TEX29: variants seen among roughly 807,000 people sequenced by gnomAD.
The protein encoded by TEX29 is testis expressed 29.
TEX29 carries 26 observed loss-of-function variants against 18.2 expected under a neutral mutation model. That is an observed-to-expected ratio of 1.43 (90% confidence interval 1.04 to 1.98). TEX29 has a LOEUF of 1.98. TEX29 is among the 30% of genes most tolerant of loss of function. The pLI, the probability that TEX29 is intolerant of heterozygous loss-of-function variation, is 0.00. For synonymous variants in TEX29, 83 were observed against 78.5 expected (o/e 1.06, Z -0.31); for missense variants, 177 against 194.2 (o/e 0.91, Z 0.53).
At chr13:111,339,763 G>C in intron 3 of TEX29, 100 bp from the exon 4 acceptor site, 1 of 1,215,884 alleles carries the variant, frequency 8.2e-7, no homozygotes, top group Non-Finnish European at 1.2e-6. Flanking sequence ...AGCCGCGCCG[G>C]GAGGGCCCGC....
intron 2 of TEX29, among the ~76,000 whole-genome samples, chr13:111,326,754 G>A (rs2093674627): frequency 6.6e-6 from 1 of 152,116 alleles, no homozygotes; most frequent in South Asian, 2.1e-4. Context: ...GCGCTGGCGG[G>A]TGTTTGCTGT....
At chr13:111,334,860 G>A (rs1184479222) in intron 3 of TEX29, among the ~76,000 whole-genome samples, 1 of 152,196 alleles carries the variant, frequency 6.6e-6, no homozygotes, top group Non-Finnish European at 1.5e-5. Flanking sequence ...TTTGAAGGAG[G>A]TCCCACCCTG....
intron 2 of TEX29, among the ~76,000 whole-genome samples, chr13:111,322,613 C>T (rs1038054975): frequency 1.3e-5 from 2 of 152,188 alleles, no homozygotes; most frequent in African/African-American, 4.8e-5. Flanking sequence ...CAAGCTGACC[C>T]TGGGCTGGAG....
chr13:111,326,953 G>T (rs1433057882), intron 2 of TEX29, among the ~76,000 whole-genome samples: 1 of 152,136 alleles, frequency 6.6e-6, no homozygotes. Context: ...TGCATAGAAC[G>T]TGGGGGACCA....
chr13:111,332,999 G>T (rs570245875), intron 3 of TEX29, among the ~76,000 whole-genome samples: 41 of 152,252 alleles, frequency 2.7e-4, no homozygotes, highest in South Asian at 1.2e-3. Flanking sequence ...GCATAGAGTT[G>T]CTGTATATAA....
chr13:111,343,002 C>G lies in TEX29; in HGVS notation c.415+71C>G, dbSNP rs1342587197. 3.2e-6 allele frequency: 5 copies of G among 1,541,740 alleles called. No individual in the cohort carries two copies. In the African/African-American group the frequency reaches 4.1e-5, roughly 13 times the overall value. On this transcript the variant is annotated intron_variant, in intron 5 of 5. Transcript: ENST00000283547. ...GCTCTGTTCCCTCGGGAGACCTTCC[C>G]TGGGAAGGGGCTCAACATCTACACA...
chr13:111,330,814 A>G (rs185161493), intron 3 of TEX29, among the ~76,000 whole-genome samples: 4 of 152,264 alleles, frequency 2.6e-5, no homozygotes, highest in Admixed American at 6.5e-5. Context: ...ATGGAACCAC[A>G]TGATTTGTGG....
intron 2 of TEX29, among the ~76,000 whole-genome samples, chr13:111,326,476 G>T: frequency 6.7e-6 from 1 of 149,932 alleles, no homozygotes; most frequent in African/African-American, 2.5e-5. Context: ...GAGACTGCGG[G>T]CAGTGCGAGC....
At chr13:111,340,091 G>A (rs1464038157) in intron 4 of TEX29, among the ~76,000 whole-genome samples, 159 bp downstream of exon 4, 4 of 152,170 alleles carry the variant, frequency 2.6e-5, no homozygotes, top group South Asian at 2.1e-4. Context: ...CCAGGCTCAC[G>A]GAGGGCCCCA....
Position 111,321,191 on chromosome 13 carries a change from T to C in TEX29, c.58+243T>C, listed in dbSNP as rs1295032444. On this transcript the variant is annotated intron_variant, in intron 2 of 5. Coordinates refer to ENST00000283547, the MANE Select transcript of TEX29 (RefSeq NM_152324.3). Reference sequence around the variant, plus strand: ...GAGGTTTTCTAGATGAAGAAATACATTTAACTATTTCCAGGGCTTTAACAG... The same window carrying C: ...GAGGTTTTCTAGATGAAGAAATACACTTAACTATTTCCAGGGCTTTAACAG... 2.0e-5 allele frequency among the ~76,000 whole-genome samples: 3 copies of C among 152,250 alleles called. No individual in the cohort carries two copies. In the East Asian group the frequency reaches 5.8e-4, roughly 29 times the overall value.
intron 3 of TEX29, among the ~76,000 whole-genome samples, chr13:111,334,963 G>C (rs768519712): frequency 6.6e-6 from 1 of 152,220 alleles, no homozygotes; most frequent in Non-Finnish European, 1.5e-5. Flanking sequence ...GGGTGGGCAG[G>C]AGAGATGGGA....
Position 111,333,573 on chromosome 13 carries a change from A to G in TEX29, c.169+5280A>G, listed in dbSNP as rs146595501. Among the ~76,000 whole-genome samples the G allele has an allele frequency of 1.1e-3, 161 of 152,310 alleles. No homozygotes were observed. The East Asian group carries it at 0.011, about 10-fold the overall frequency. On this transcript the variant is annotated intron_variant, in intron 3 of 5. Transcript: ENST00000283547. ...TTTCTTTTTGGTCTTAATAATGTCTATATTTCTATTGATATCTTCTATTTG... is the reference window on the plus strand; with the variant it reads ...TTTCTTTTTGGTCTTAATAATGTCTGTATTTCTATTGATATCTTCTATTTG...
chr13:111,322,004 G>A (rs913548563), intron 2 of TEX29, among the ~76,000 whole-genome samples: 4 of 152,240 alleles, frequency 2.6e-5, no homozygotes, highest in African/African-American at 7.2e-5. Context: ...TGGGAAGGTA[G>A]GCTAGGGAGC....
Position 111,339,998 on chromosome 13 carries a change from TCCTGCCTG to T in TEX29, c.239+71_239+78del, listed in dbSNP as rs1321706808. The T allele has an allele frequency of 2.0e-6, 3 of 1,503,526 alleles. No homozygotes were observed. In the Admixed American group the frequency reaches 5.0e-5, roughly 25 times the overall value. 93.1% of individuals were successfully genotyped at this position (1,503,526 alleles called of 1,614,324 possible). A position where few individuals can be genotyped will look rare whatever the true frequency, so the allele number is the denominator to read the frequency against. On this transcript the variant is annotated intron_variant, in intron 4 of 5. Transcript: ENST00000283547. ...GGACTCACCTCTCCTGGCCGCAGCT[TCCTGCCTG>T]CCTGGGCTCCTTCGGGCTTGGTGCT... is the stretch of plus-strand genomic sequence containing the variant.
intron 5 of TEX29, among the ~76,000 whole-genome samples, chr13:111,343,477 G>T (rs2093700083): frequency 6.6e-6 from 1 of 152,194 alleles, no homozygotes. Context: ...CCACGTGGTG[G>T]TCGTGGTTGG....
rs1446289460 is a variant in TEX29, at chr13:111,324,020, C to T, written c.58+3072C>T. 2.0e-5 allele frequency among the ~76,000 whole-genome samples: 3 copies of T among 152,334 alleles called. No individual in the cohort carries two copies. In the East Asian group the frequency reaches 5.8e-4, roughly 29 times the overall value. On this transcript the variant is annotated intron_variant, in intron 2 of 5. Coordinates refer to ENST00000283547, the MANE Select transcript of TEX29 (RefSeq NM_152324.3). Reference sequence around the variant, plus strand: ...ATTTTTATGTTGTTTATGACATCTGCTGTGAAGACACATTCAGCCGGATTC... The same window carrying T: ...ATTTTTATGTTGTTTATGACATCTGTTGTGAAGACACATTCAGCCGGATTC...
intron 3 of TEX29, among the ~76,000 whole-genome samples, chr13:111,334,673 C>T (rs961697597): frequency 6.6e-6 from 1 of 152,244 alleles, no homozygotes; most frequent in East Asian, 1.9e-4. Context: ...CTCTTGTTTT[C>T]CCTCAACTGC....
At chr13:111,337,104 T>C (rs953980894) in intron 3 of TEX29, among the ~76,000 whole-genome samples, 2 of 152,214 alleles carry the variant, frequency 1.3e-5, no homozygotes, top group African/African-American at 4.8e-5. Context: ...CCTTTCACTT[T>C]ATTTGTGCAT....
intron 2 of TEX29, among the ~76,000 whole-genome samples, chr13:111,323,819 T>C (rs1304149673): frequency 6.6e-6 from 1 of 152,192 alleles, no homozygotes; most frequent in Non-Finnish European, 1.5e-5. Flanking sequence ...GCACACACCA[T>C]GCCAGCTCCC....
Sources: gnomAD v4.1 joint callset for allele counts (sites outside exome capture counted in the v4.1 genomes callset) on GRCh38, gnomAD v4.1.1 for gene constraint, MANE v1.5 for transcripts, NCBI Gene and HGNC (gene_info 2026-07-23, HGNC 2026-07-21) for gene names.